The following ZMYM4 variants were observed in gnomAD, a reference collection of about 807,000 sequenced individuals.
ZMYM4 encodes the protein zinc finger MYM-type containing 4.
ZMYM4 carries 31 observed loss-of-function variants against 183.2 expected under a neutral mutation model. The ratio of observed to expected loss-of-function variants is 0.17; its 90% CI spans 0.13 to 0.23. ZMYM4 has a LOEUF of 0.23. Ranked by LOEUF, ZMYM4 falls within the 10% of genes least tolerant of loss-of-function variation. ZMYM4 has a pLI of 1.00. For missense variants in ZMYM4, 1,273 were observed against 1,840.3 expected, an observed-to-expected ratio of 0.69 and a Z score of 5.64; for synonymous variants, 592 against 631.2, an observed-to-expected ratio of 0.94 and a Z score of 0.93.
At position 35,386,154 on chromosome 1, in the gene ZMYM4, A is replaced by AACTTCTGCAGCT. The variant is rs1294875224; in HGVS notation, c.1804_1815dup (p.Phe602_Tyr605dup). 1 of 1,613,896 alleles carries AACTTCTGCAGCT rather than the reference A, an allele frequency of 6.2e-7. No individual in the cohort carries two copies. Among genetic ancestry groups the AACTTCTGCAGCT allele is most frequent in the South Asian group, 1.1e-5 (1 of 91,022 alleles). On this transcript the variant is annotated inframe_insertion, in exon 11 of 30. Transcript: ENST00000314607. ...AGCCATGTCAGATGGAAGTATACGC[A>AACTTCTGCAGCT]ACTTCTGCAGCTACAGCTGTGTGGT... is the stretch of plus-strand genomic sequence containing the variant.
In ZMYM4 at chr1:35,396,787, C is replaced by T. The variant is rs545402726; in HGVS notation, c.3030+117C>T. The T allele has an allele frequency of 1.3e-4, 150 of 1,181,862 alleles. 2 individuals carry two copies. In the South Asian group the frequency reaches 2.5e-3, roughly 20 times the overall value. 73.2% of individuals were successfully genotyped at this position (1,181,862 alleles called of 1,614,324 possible). On this transcript the variant is annotated intron_variant, in intron 19 of 29. Transcript: ENST00000314607. ...GTAAAATATACCTGCTTCTGATTGGCTGTTATCATATTCCCATTATTACTT... is the reference window on the plus strand; with the variant it reads ...GTAAAATATACCTGCTTCTGATTGGTTGTTATCATATTCCCATTATTACTT...
At chr1:35,283,581 C>G (rs1302643636) in intron 1 of ZMYM4, among the ~76,000 whole-genome samples, 1 of 151,528 alleles carries the variant, frequency 6.6e-6, no homozygotes, top group African/African-American at 2.4e-5. Flanking sequence ...TCGTGAGCCA[C>G]CCGCCTCGGC....
intron 2 of ZMYM4, among the ~76,000 whole-genome samples, chr1:35,341,825 G>C (rs765334380): frequency 2.0e-5 from 3 of 152,086 alleles, no homozygotes; most frequent in African/African-American, 4.8e-5. Context: ...GCTGATTGTA[G>C]TTGGTTTCTG....
At chr1:35,302,200 C>CTTTTGTTTTTTTTTTTTT (rs1641313013) in intron 1 of ZMYM4, among the ~76,000 whole-genome samples, 1 of 58,556 alleles carries the variant, frequency 1.7e-5, no homozygotes, top group African/African-American at 6.4e-5. Context: ...ACGGCTCTTG[C>CTTTTGTTTTTTTTTTTTT]TTTTTTTTTT....
chr1:35,363,987 T>TA lies in ZMYM4; in HGVS notation c.840+2199dup, dbSNP rs1644008405. ...AAAGGCACTTAGAGCATAAACCAAATACAATAGGGGTAGAGAACACTGAGA... is the reference window on the plus strand; with the variant it reads ...AAAGGCACTTAGAGCATAAACCAAATAACAATAGGGGTAGAGAACACTGAGA... On this transcript the variant is annotated intron_variant, in intron 5 of 29. Transcript: ENST00000314607. Among the ~76,000 whole-genome samples the TA allele has an allele frequency of 3.3e-5, 5 of 152,140 alleles. No individual in the cohort carries two copies. The South Asian group carries it at 1.0e-3, about 31-fold the overall frequency.
intron 2 of ZMYM4, among the ~76,000 whole-genome samples, chr1:35,333,199 G>A (rs1642829000): frequency 1.3e-5 from 2 of 151,610 alleles, no homozygotes; most frequent in South Asian, 4.2e-4. Flanking sequence ...GATCTTCATG[G>A]CATTAACTAT....
intron 1 of ZMYM4, among the ~76,000 whole-genome samples, chr1:35,297,480 A>C (rs114361859): frequency 0.021 from 3,153 of 147,662 alleles, 104 homozygotes; most frequent in African/African-American, 0.073. Context: ...GCTTGTCACA[A>C]AAAAAAAAAA....
Position 35,390,025 on chromosome 1 carries a change from C to T in ZMYM4, c.2514C>T (p.Phe838=), listed in dbSNP as rs1177878635. Residue 838 remains phenylalanine (F), a synonymous_variant, in exon 15 of 30, where the codon TTC becomes TTT. Coordinates refer to ENST00000314607, the MANE Select transcript of ZMYM4 (RefSeq NM_005095.3). ...SLKWRGEMKH[F]CNLLCILMFC... ...AATGGCGAGGGGAAATGAAACATTT[C>T]TGTAACCTGCTTTGTATCTTGATGT... The T allele has an allele frequency of 6.2e-7, 1 of 1,613,992 alleles. No individual in the cohort carries two copies. The highest frequency in any genetic ancestry group is 1.3e-5 in the African/African-American group (1 of 75,006).
chr1:35,270,546 G>A (rs1467529145), intron 1 of ZMYM4, among the ~76,000 whole-genome samples: 1 of 152,130 alleles, frequency 6.6e-6, no homozygotes. Context: ...ATCACTTGAG[G>A]CCAGGAGTTC....
At chr1:35,377,823 T>G (rs1337113023) in intron 7 of ZMYM4, among the ~76,000 whole-genome samples, 2 of 152,198 alleles carry the variant, frequency 1.3e-5, no homozygotes, top group African/African-American at 2.4e-5. Flanking sequence ...GGCAATTTCT[T>G]AAGATAACAA....
At chr1:35,341,845 C>T (rs764050619) in intron 2 of ZMYM4, among the ~76,000 whole-genome samples, 1 of 151,990 alleles carries the variant, frequency 6.6e-6, no homozygotes, top group Non-Finnish European at 1.5e-5. Flanking sequence ...GTCAAATAGG[C>T]TTAGGCTTTA....
intron 2 of ZMYM4, among the ~76,000 whole-genome samples, chr1:35,325,949 G>A (rs531534139): frequency 1.2e-4 from 19 of 152,200 alleles, no homozygotes; most frequent in African/African-American, 4.6e-4. Flanking sequence ...ATTTATATAT[G>A]TGTGTAGGAA....
At chr1:35,358,439 G>GA (rs35960804) in intron 2 of ZMYM4, among the ~76,000 whole-genome samples, 2,086 of 152,202 alleles carry the variant, frequency 0.014, 53 homozygotes, top group African/African-American at 0.046. Flanking sequence ...AGTTTTCCCT[G>GA]AATAATCGCC....
chr1:35,271,623 G>A (rs1463513252), intron 1 of ZMYM4, among the ~76,000 whole-genome samples: 1 of 152,106 alleles, frequency 6.6e-6, no homozygotes, highest in East Asian at 1.9e-4. Flanking sequence ...GGCTGATCTC[G>A]AACTCCTGAC....
intron 20 of ZMYM4, among the ~76,000 whole-genome samples, chr1:35,397,881 T>C (rs1558167692): frequency 6.6e-6 from 1 of 152,146 alleles, no homozygotes; most frequent in African/African-American, 2.4e-5. Context: ...AGCATGCTGG[T>C]AGAGGGTAAA....
intron 2 of ZMYM4, among the ~76,000 whole-genome samples, chr1:35,354,163 A>T (rs1431003848): frequency 6.6e-6 from 1 of 151,966 alleles, no homozygotes; most frequent in African/African-American, 2.4e-5. Context: ...AGAAAGAAAG[A>T]AAAAAAAGAA....
At chr1:35,281,679 TA>T (rs2148688001) in intron 1 of ZMYM4, among the ~76,000 whole-genome samples, 1 of 132,772 alleles carries the variant, frequency 7.5e-6, no homozygotes, top group Non-Finnish European at 1.7e-5. Context: ...TATATATATA[TA>T]ATATAACATT....
intron 1 of ZMYM4, among the ~76,000 whole-genome samples, chr1:35,273,998 A>G (rs1017984063): frequency 2.6e-5 from 4 of 152,346 alleles, no homozygotes; most frequent in African/African-American, 9.6e-5. Context: ...GTGATGGGAT[A>G]TGGAGAAGTT....
intron 2 of ZMYM4, among the ~76,000 whole-genome samples, chr1:35,338,577 A>G (rs1315662019): frequency 2.0e-5 from 3 of 152,190 alleles, no homozygotes; most frequent in African/African-American, 7.2e-5. Flanking sequence ...TTATCCATTT[A>G]CATTTCTGTT....
Sources: gnomAD v4.1 joint callset for allele counts (sites outside exome capture counted in the v4.1 genomes callset) on GRCh38, gnomAD v4.1.1 for gene constraint, MANE v1.5 for transcripts, NCBI Gene and HGNC (gene_info 2026-07-23, HGNC 2026-07-21) for gene names.